LUC7L2: variants seen among roughly 807,000 people sequenced by gnomAD.
The protein encoded by LUC7L2 is putative RNA-binding protein Luc7-like 2.
LUC7L2 carries 25 observed loss-of-function variants against 52.8 expected under a neutral mutation model. The ratio of observed to expected loss-of-function variants is 0.47; its 90% CI spans 0.34 to 0.66. The LOEUF is 0.66. LUC7L2 is among the 30% of genes least tolerant of loss of function. The pLI is 0.01. For synonymous variants in LUC7L2, 144 were observed against 160.9 expected, an observed-to-expected ratio of 0.89 and a Z score of 0.80; for missense variants, 328 against 497.8, an observed-to-expected ratio of 0.66 and a Z score of 3.25.
intron 1 of LUC7L2, among the ~76,000 whole-genome samples, chr7:139,361,070 C>G (rs1005314127): frequency 3.9e-5 from 6 of 152,198 alleles, no homozygotes; most frequent in Non-Finnish European, 8.8e-5. Flanking sequence ...GAACAAAGAT[C>G]CTTTCAGGCG....
intron 1 of LUC7L2, chr7:139,363,055 T>A (rs1799966655): frequency 5.7e-6 from 1 of 176,744 alleles, no homozygotes; most frequent in Non-Finnish European, 1.1e-5. Context: ...TTAGACAATC[T>A]GAGGGCAGCA....
In LUC7L2 at chr7:139,422,241, T is replaced by A. The variant is rs1301783178; in HGVS notation, c.1080T>A (p.Arg360=). The part of the protein sequence containing the change: ...RDRSSRDRSP[R]DRDRKDKKRS... ...GGAGTTCAAGAGACAGATCACCTCG[T>A]GACAGAGATCGGAAAGATAAGAAGC... The change falls in exon 10 of 10, where the codon CGT becomes CGA. Residue 360 remains arginine, a synonymous_variant. Coordinates refer to ENST00000354926, the MANE Select transcript of LUC7L2 (RefSeq NM_016019.5). 3 of 1,614,214 alleles carry A rather than the reference T, an allele frequency of 1.9e-6. No individual in the cohort carries two copies. The Admixed American group carries it at 5.0e-5, about 27-fold the overall frequency.
chr7:139,385,766 A>G (rs1199684681), intron 2 of LUC7L2, among the ~76,000 whole-genome samples: 1 of 152,190 alleles, frequency 6.6e-6, no homozygotes, highest in African/African-American at 2.4e-5. Context: ...TTCTTTGTAC[A>G]ATGAGTCTCA....
chr7:139,361,634 A>G (rs1011115397), intron 1 of LUC7L2, among the ~76,000 whole-genome samples: 1 of 152,214 alleles, frequency 6.6e-6, no homozygotes, highest in Admixed American at 6.5e-5. Context: ...TTGGGAAGGA[A>G]ATGAGTTTTG....
intron 9 of LUC7L2, among the ~76,000 whole-genome samples, chr7:139,421,389 T>G (rs1346820468): frequency 6.6e-6 from 1 of 152,200 alleles, no homozygotes; most frequent in Non-Finnish European, 1.5e-5. Context: ...GAAGATTCCA[T>G]GTTTATTCTG....
chr7:139,388,470 T>C (rs1794301111), intron 2 of LUC7L2, among the ~76,000 whole-genome samples: 1 of 152,038 alleles, frequency 6.6e-6, no homozygotes, highest in African/African-American at 2.4e-5. Flanking sequence ...CTCTTCACCC[T>C]ATACTCATGT....
chr7:139,374,878 A>C (rs1800626929), intron 1 of LUC7L2: 1 of 995,330 alleles, frequency 1.0e-6, no homozygotes, highest in Non-Finnish European at 1.2e-6. Flanking sequence ...TGTTATTTAC[A>C]TGTGAAAATA....
chr7:139,348,633 C>T (rs1056853141), intron 1 of LUC7L2, among the ~76,000 whole-genome samples: 20 of 151,826 alleles, frequency 1.3e-4, no homozygotes, highest in Non-Finnish European at 1.8e-4. Context: ...ACAGGAGAAT[C>T]GCTTGAACCC....
rs917078662 is a variant in LUC7L2 at position 139,360,121 on chromosome 7, G to A, written c.-141G>A. 15 of 603,940 alleles carry A rather than the reference G, an allele frequency of 2.5e-5. No individual in the cohort carries two copies. Among genetic ancestry groups the A allele is most frequent in the Non-Finnish European group, 4.3e-5 (15 of 347,918 alleles). 37.4% of individuals were successfully genotyped at this position (603,940 alleles called of 1,614,324 possible). A position where few individuals can be genotyped will look rare whatever the true frequency, so the allele number is the denominator to read the frequency against. On this transcript the variant is annotated 5_prime_UTR_variant, in exon 1 of 10. Coordinates refer to ENST00000354926, the MANE Select transcript of LUC7L2 (RefSeq NM_016019.5). ...TCCGGACTCTTCCCGCAACCCCTCC[G>A]GCTCCCTTTCCGCACGCCTCGAGGC...
chr7:139,356,615 TAAA>T (rs112295252), upstream of LUC7L2, among the ~76,000 whole-genome samples: 4 of 141,226 alleles, frequency 2.8e-5, no homozygotes, highest in African/African-American at 2.6e-5. Flanking sequence ...AAACCTGCGT[TAAA>T]AAAAAAAAAA....
rs1207314636 is a variant in LUC7L2 at position 139,360,340 on chromosome 7, C to T, written c.61+18C>T. On this transcript the variant is annotated intron_variant, in intron 1 of 9. Coordinates refer to ENST00000354926, the MANE Select transcript of LUC7L2 (RefSeq NM_016019.5). ...CCGGGACGGTAAGTCTCTGCCAGGG[C>T]CCTGGGGGTGGGGGAGGGGACGGGG... 1.9e-6 allele frequency: 3 copies of T among 1,554,852 alleles called. No homozygotes were observed. Among genetic ancestry groups the T allele is most frequent in the Non-Finnish European group, 2.6e-6 (3 of 1,150,352 alleles).
chr7:139,369,708 A>G (rs1274935192), intron 1 of LUC7L2, among the ~76,000 whole-genome samples: 3 of 66,390 alleles, frequency 4.5e-5, no homozygotes, highest in Non-Finnish European at 7.6e-5. Context: ...TTTTAAAAAC[A>G]TTAATCTTTG....
rs368637038 is a variant in LUC7L2, at chr7:139,350,927, G to A, written c.-26+10410G>A. Among the ~76,000 whole-genome samples the A allele has an allele frequency of 2.0e-5, 3 of 151,830 alleles. No homozygotes were observed. The East Asian group carries it at 5.8e-4, about 29-fold the overall frequency. ...CTGACCTCGTGATTTGCCCGCCTTGGCCTCCCAAAGTGCTGAGATTACAGG... is the reference window on the plus strand; with the variant it reads ...CTGACCTCGTGATTTGCCCGCCTTGACCTCCCAAAGTGCTGAGATTACAGG... On this transcript the variant is annotated intron_variant, in intron 1 of 10. Coordinates refer to the LUC7L2 transcript ENST00000541170.
chr7:139,420,105 TGAG>T (rs1387092978), intron 9 of LUC7L2, among the ~76,000 whole-genome samples: 3 of 152,232 alleles, frequency 2.0e-5, no homozygotes, highest in Admixed American at 2.0e-4. Context: ...CCTGCGTAAA[TGAG>T]GACCATTTGC....
At chr7:139,344,765 C>G (rs548143942) in intron 1 of LUC7L2, 11 of 145,814 alleles carry the variant, frequency 7.5e-5, no homozygotes, top group African/African-American at 2.8e-4. Context: ...TGCAGTGGCC[C>G]GATCTTGGCT....
At chr7:139,370,367 T>A (rs978624550) in intron 1 of LUC7L2, among the ~76,000 whole-genome samples, 1 of 152,186 alleles carries the variant, frequency 6.6e-6, no homozygotes, top group Non-Finnish European at 1.5e-5. Context: ...GAGGAAGATG[T>A]AAAAATGATC....
intron 2 of LUC7L2, among the ~76,000 whole-genome samples, chr7:139,381,490 A>G (rs1351768406): frequency 3.3e-5 from 5 of 151,404 alleles, no homozygotes; most frequent in Non-Finnish European, 2.9e-5. Context: ...GCTCACTGCA[A>G]CCTCTGCCTC....
chr7:139,390,054 A>G (rs1163657833), intron 2 of LUC7L2, among the ~76,000 whole-genome samples: 1 of 152,118 alleles, frequency 6.6e-6, no homozygotes, highest in African/African-American at 2.4e-5. Flanking sequence ...TGAGGAGACT[A>G]AAGTGGGAAG....
chr7:139,371,827 G>A (rs770199579), intron 1 of LUC7L2, among the ~76,000 whole-genome samples: 25 of 152,112 alleles, frequency 1.6e-4, no homozygotes, highest in Non-Finnish European at 3.5e-4. Context: ...TATATTCCCT[G>A]GTGGAACTGA....
Sources: gnomAD v4.1 joint callset for allele counts (sites outside exome capture counted in the v4.1 genomes callset) on GRCh38, gnomAD v4.1.1 for gene constraint, MANE v1.5 for transcripts, NCBI Gene and HGNC (gene_info 2026-07-23, HGNC 2026-07-21) for gene names.